Variants in ESR1 observed in about 807,000 individuals in gnomAD.
The protein encoded by ESR1 is estrogen receptor.
A neutral mutation model predicts 52.7 loss-of-function variants in ESR1; 12 were observed. That is an observed-to-expected ratio of 0.23 (90% CI 0.15 to 0.37). The LOEUF is 0.37. Ranked by LOEUF, ESR1 falls within the 10% of genes least tolerant of loss-of-function variation. The probability of loss-of-function intolerance (pLI) is 1.00; values close to 1 mark genes in which losing one functional copy is unlikely to be tolerated. For missense variants in ESR1, 584 were observed against 779.7 expected (o/e 0.75, Z 2.99); for synonymous variants, 305 against 316.8 (o/e 0.96, Z 0.39).
chr6:151,709,885 A>G (rs918649388), intron 2 of ESR1, among the ~76,000 whole-genome samples: 1 of 151,638 alleles, frequency 6.6e-6, no homozygotes, highest in African/African-American at 2.4e-5. Context: ...TGAATTTCCT[A>G]TCTTACTTCA....
intron 2 of ESR1, among the ~76,000 whole-genome samples, chr6:151,849,367 C>A (rs983897205): frequency 3.9e-5 from 6 of 152,034 alleles, no homozygotes; most frequent in Non-Finnish European, 8.8e-5. Flanking sequence ...GATAGATAGC[C>A]GGATGTGGTG....
At chr6:151,867,870 C>T (rs1265508732) in intron 2 of ESR1, among the ~76,000 whole-genome samples, 1 of 152,192 alleles carries the variant, frequency 6.6e-6, no homozygotes, top group Non-Finnish European at 1.5e-5. Flanking sequence ...GTGTGTTAAT[C>T]TTGTACTACA....
rs540648973 is a variant in ESR1 at position 151,893,687 on chromosome 6, C to A, written c.760+12916C>A. Among the ~76,000 whole-genome samples the A allele has an allele frequency of 2.6e-5, 4 of 152,152 alleles. No homozygotes were observed. In the South Asian group the frequency reaches 8.3e-4, roughly 32 times the overall value. On this transcript the variant is annotated intron_variant, in intron 3 of 7. Coordinates refer to ENST00000206249, the MANE Select transcript of ESR1 (RefSeq NM_000125.4). ...CCTTCACTAAGACTTCCAAATCCTC[C>A]AAGTGTTTCACACTTACATCTTATT...
chr6:151,898,525 TC>T (rs1795921388), intron 3 of ESR1, among the ~76,000 whole-genome samples: 1 of 152,002 alleles, frequency 6.6e-6, no homozygotes, highest in South Asian at 2.1e-4. Context: ...TCTCTGGTTT[TC>T]CTAGGCAGAG....
intron 6 of ESR1, among the ~76,000 whole-genome samples, chr6:152,078,961 G>A (rs535322068): frequency 5.9e-5 from 9 of 152,314 alleles, no homozygotes; most frequent in East Asian, 3.9e-4. Flanking sequence ...AGCTCACAGC[G>A]TAAACAAAGC....
At chr6:151,932,824 G>T (rs2128490136) in intron 3 of ESR1, among the ~76,000 whole-genome samples, 1 of 146,936 alleles carries the variant, frequency 6.8e-6, no homozygotes, top group African/African-American at 2.5e-5. Flanking sequence ...TCTCTGTTTT[G>T]GTACCAGTAC....
At chr6:151,746,215 T>C (rs1260484170) in intron 2 of ESR1, among the ~76,000 whole-genome samples, 1 of 152,212 alleles carries the variant, frequency 6.6e-6, no homozygotes, top group Non-Finnish European at 1.5e-5. Context: ...TTCAGTTCTT[T>C]GGGATATATA....
intron 2 of ESR1, among the ~76,000 whole-genome samples, chr6:151,733,097 C>G (rs12661342): frequency 1.3e-5 from 2 of 152,158 alleles, no homozygotes; most frequent in Non-Finnish European, 2.9e-5. Flanking sequence ...GTGTCATTTT[C>G]TAAGTACTTT....
intron 6 of ESR1, among the ~76,000 whole-genome samples, chr6:152,066,674 A>G (rs556664220): frequency 1.3e-5 from 2 of 152,264 alleles, no homozygotes; most frequent in South Asian, 2.1e-4. Flanking sequence ...CAGCCACTCA[A>G]CTTTGGAGCC....
At chr6:152,029,721 G>T (rs890435633) in intron 5 of ESR1, among the ~76,000 whole-genome samples, 2 of 152,292 alleles carry the variant, frequency 1.3e-5, no homozygotes, top group South Asian at 4.1e-4. Flanking sequence ...CACTCTGCAG[G>T]ATATTATCCA....
At chr6:151,949,199 G>T (rs75243384) in intron 4 of ESR1, among the ~76,000 whole-genome samples, 1 of 152,174 alleles carries the variant, frequency 6.6e-6, no homozygotes, top group Non-Finnish European at 1.5e-5. Flanking sequence ...GGAGCCATGC[G>T]CTCTGAGGAC....
chr6:151,721,768 GT>G (rs1781478395), intron 2 of ESR1, among the ~76,000 whole-genome samples: 1 of 152,152 alleles, frequency 6.6e-6, no homozygotes, highest in Non-Finnish European at 1.5e-5. Context: ...AGACTAATTG[GT>G]TTACAGTTGT....
chr6:151,657,836 T>C (rs1777507907), intron 1 of ESR1, among the ~76,000 whole-genome samples: 1 of 152,166 alleles, frequency 6.6e-6, no homozygotes, highest in Non-Finnish European at 1.5e-5. Flanking sequence ...AAAATGGTTA[T>C]ATATTGGCAT....
intron 2 of ESR1, among the ~76,000 whole-genome samples, chr6:151,788,821 A>G (rs1258797507): frequency 1.3e-5 from 2 of 152,204 alleles, no homozygotes; most frequent in African/African-American, 4.8e-5. Flanking sequence ...AAGGAGCTGG[A>G]GGCCATTATC....
At chr6:151,991,503 C>A (rs76017759) in intron 4 of ESR1, among the ~76,000 whole-genome samples, 3,535 of 151,562 alleles carry the variant, frequency 0.023, 65 homozygotes, top group South Asian at 0.071. Flanking sequence ...AAAATTAGAC[C>A]CAGAATAGTA....
intron 2 of ESR1, among the ~76,000 whole-genome samples, chr6:151,722,449 C>A (rs956990487): frequency 3.9e-5 from 6 of 152,268 alleles, no homozygotes; most frequent in Admixed American, 3.9e-4. Context: ...CAGATAGGGG[C>A]AAAGATACTG....
intron 3 of ESR1, among the ~76,000 whole-genome samples, chr6:151,901,231 C>A (rs1009968771): frequency 6.6e-6 from 1 of 152,114 alleles, no homozygotes; most frequent in Non-Finnish European, 1.5e-5. Flanking sequence ...GGGGGAAAGC[C>A]GGCAGTTACA....
intron 2 of ESR1, among the ~76,000 whole-genome samples, chr6:151,781,025 C>T (rs1456159371): frequency 6.6e-6 from 1 of 152,118 alleles, no homozygotes; most frequent in Admixed American, 6.5e-5. Context: ...TTTTCTTTTG[C>T]TTTCAAACTA....
chr6:152,081,123 A>T (rs1321507034), intron 6 of ESR1, among the ~76,000 whole-genome samples: 1 of 152,228 alleles, frequency 6.6e-6, no homozygotes, highest in Non-Finnish European at 1.5e-5. Flanking sequence ...GACCAAGTGG[A>T]CCCAATAGAC....
Sources: allele counts gnomAD v4.1 joint callset (sites outside exome capture counted in the v4.1 genomes callset), GRCh38; gene constraint gnomAD v4.1.1; transcripts MANE v1.5; gene names NCBI Gene and HGNC (gene_info 2026-07-23, HGNC 2026-07-21).